The following CSMD3 variants were observed in gnomAD, a reference collection of about 807,000 sequenced individuals.
The protein encoded by CSMD3 is CUB and Sushi multiple domains 3, also known as CUB and sushi domain-containing protein 3.
CSMD3 carries 177 observed loss-of-function variants against 435.2 expected under a neutral mutation model. The ratio of observed to expected loss-of-function variants is 0.41; its 90% CI spans 0.36 to 0.46. CSMD3 has a LOEUF of 0.46. CSMD3 is among the 20% of genes least tolerant of loss of function. The pLI is 0.34. For synonymous variants in CSMD3, 1,656 were observed against 1,520.5 expected (o/e 1.09, Z -2.07); for missense variants, 4,265 against 4,504.6 (o/e 0.95, Z 1.52).
At chr8:113,410,911 AAG>A in intron 1 of CSMD3, among the ~76,000 whole-genome samples, 1 of 91,814 alleles carries the variant, frequency 1.1e-5, no homozygotes. Context: ...GAAAGAAAGA[AAG>A]AAAGAAAGAA....
chr8:112,499,655 A>C (rs939789012), intron 30 of CSMD3, among the ~76,000 whole-genome samples: 1 of 152,190 alleles, frequency 6.6e-6, no homozygotes, highest in Non-Finnish European at 1.5e-5. Context: ...TTATTTTGAT[A>C]GTTTGAAATA....
chr8:113,259,959 T>A (rs2093413867), intron 3 of CSMD3, among the ~76,000 whole-genome samples: 1 of 152,072 alleles, frequency 6.6e-6, no homozygotes, highest in African/African-American at 2.4e-5. Flanking sequence ...CCCATGCTAA[T>A]CTCATGATAG....
chr8:112,593,652 A>G (rs187701186), intron 22 of CSMD3, among the ~76,000 whole-genome samples: 67 of 152,308 alleles, frequency 4.4e-4, no homozygotes, highest in Admixed American at 1.4e-3. Context: ...GAGAAGCAAA[A>G]TAAGACCAAG....
chr8:112,591,183 T>C (rs1418110024), intron 22 of CSMD3, among the ~76,000 whole-genome samples: 1 of 152,012 alleles, frequency 6.6e-6, no homozygotes, highest in Non-Finnish European at 1.5e-5. Context: ...CCTATTCATA[T>C]AAAATATTTT....
intron 1 of CSMD3, among the ~76,000 whole-genome samples, chr8:113,418,404 G>T (rs944133298): frequency 3.9e-5 from 6 of 152,082 alleles, no homozygotes; most frequent in African/African-American, 1.4e-4. Context: ...ATAAGACTGA[G>T]CCGTGATTTT....
intron 10 of CSMD3, among the ~76,000 whole-genome samples, chr8:112,873,859 G>A (rs1479610422): frequency 3.3e-5 from 5 of 151,930 alleles, no homozygotes; most frequent in African/African-American, 1.2e-4. Flanking sequence ...CATAAAACCA[G>A]CTCCTGGATT....
chr8:112,836,460 C>A (rs570116313), intron 11 of CSMD3, among the ~76,000 whole-genome samples: 1 of 151,958 alleles, frequency 6.6e-6, no homozygotes, highest in South Asian at 2.1e-4. Context: ...TCACTCTATG[C>A]CCCATTCCAT....
chr8:112,987,874 T>G (rs2085311823), intron 6 of CSMD3, among the ~76,000 whole-genome samples: 1 of 151,982 alleles, frequency 6.6e-6, no homozygotes, highest in South Asian at 2.1e-4. Context: ...AGTTTTTGTT[T>G]CCTGAGAGTC....
chr8:112,850,485 T>C (rs1423038144), intron 11 of CSMD3, among the ~76,000 whole-genome samples: 1 of 152,196 alleles, frequency 6.6e-6, no homozygotes, highest in African/African-American at 2.4e-5. Context: ...TGGACTGGTA[T>C]AGTTCTCACA....
intron 27 of CSMD3, among the ~76,000 whole-genome samples, chr8:112,529,873 C>T (rs941538684): frequency 6.6e-6 from 1 of 152,004 alleles, no homozygotes; most frequent in African/African-American, 2.4e-5. Flanking sequence ...ATTTATCTGA[C>T]AGACAAATAA....
At chr8:112,364,099 A>G (rs531423767) in intron 38 of CSMD3, among the ~76,000 whole-genome samples, 1 of 152,192 alleles carries the variant, frequency 6.6e-6, no homozygotes, top group Admixed American at 6.5e-5. Flanking sequence ...TCTCTTAAGC[A>G]TATTGCTCGA....
chr8:112,932,840 A>G (rs1273515610), intron 9 of CSMD3, among the ~76,000 whole-genome samples: 2 of 152,152 alleles, frequency 1.3e-5, no homozygotes, highest in Non-Finnish European at 2.9e-5. Flanking sequence ...AGAAGATTTT[A>G]AATGTTTCTA....
chr8:112,626,357 C>T (rs1357158754), intron 22 of CSMD3, among the ~76,000 whole-genome samples: 2 of 151,880 alleles, frequency 1.3e-5, no homozygotes, highest in Non-Finnish European at 2.9e-5. Flanking sequence ...TTTTCAAAGC[C>T]CTAGGTACAT....
chr8:113,143,752 T>A (rs1020483232), intron 4 of CSMD3, among the ~76,000 whole-genome samples: 1 of 151,400 alleles, frequency 6.6e-6, no homozygotes, highest in African/African-American at 2.4e-5. Flanking sequence ...AATGACAAAA[T>A]TCTAGAACTG....
intron 2 of CSMD3, among the ~76,000 whole-genome samples, chr8:113,282,281 AAACTGTAAC>A (rs1387146208): frequency 2.6e-5 from 4 of 152,010 alleles, no homozygotes; most frequent in African/African-American, 2.4e-5. Flanking sequence ...AGAGGAAGCC[AAACTGTAAC>A]TGTTTGCTGA....
chr8:113,012,220 G>T (rs2086280834), intron 6 of CSMD3, among the ~76,000 whole-genome samples: 1 of 151,620 alleles, frequency 6.6e-6, no homozygotes, highest in Non-Finnish European at 1.5e-5. Context: ...AGCATGTTTT[G>T]AGATAATAAT....
At chr8:112,983,161 G>A (rs2085115940) in intron 6 of CSMD3, among the ~76,000 whole-genome samples, 1 of 151,792 alleles carries the variant, frequency 6.6e-6, no homozygotes, top group Non-Finnish European at 1.5e-5. Context: ...ATTTGTGGGT[G>A]GGGTTCCCTT....
At chr8:113,387,032 A>G (rs2094442300) in intron 1 of CSMD3, among the ~76,000 whole-genome samples, 5 of 151,874 alleles carry the variant, frequency 3.3e-5, no homozygotes, top group Admixed American at 3.3e-4. Context: ...AAAGCCAAGG[A>G]ACATTTTGAA....
intron 13 of CSMD3, among the ~76,000 whole-genome samples, chr8:112,698,886 G>A (rs776697799): frequency 5.3e-5 from 8 of 152,056 alleles, no homozygotes; most frequent in South Asian, 2.1e-4. Context: ...TGTGTGTCTC[G>A]CTAAAGGTTT....
Sources: gnomAD v4.1 joint callset for allele counts (sites outside exome capture counted in the v4.1 genomes callset) on GRCh38, gnomAD v4.1.1 for gene constraint, MANE v1.5 for transcripts, NCBI Gene and HGNC (gene_info 2026-07-23, HGNC 2026-07-21) for gene names.